Variants in WDR26 observed in about 807,000 individuals in gnomAD.
WDR26 encodes WD repeat domain 26.
WDR26 carries 5 observed loss-of-function variants against 84.1 expected under a neutral mutation model. The observed-to-expected ratio is 0.06, with a 90% confidence interval of 0.03 to 0.13. WDR26 has a LOEUF of 0.13. Among genes scored for constraint, WDR26 ranks in the 10% least tolerant of loss-of-function variants. WDR26 has a pLI of 1.00. For missense variants in WDR26, 642 were observed against 974.9 expected (o/e 0.66, Z 4.55); for synonymous variants, 415 against 389.6 (o/e 1.07, Z -0.77).
Position 224,431,541 on chromosome 1 carries a change from G to A in WDR26, c.863C>T (p.Ser288Phe), listed in dbSNP as rs1374476195. Reference sequence around the variant, plus strand: ...GCCTCTTACCACAATAGCATGAGGAGAATGCACTAAAGGCTTTAGTTCATT... The same window carrying A: ...GCCTCTTACCACAATAGCATGAGGAAAATGCACTAAAGGCTTTAGTTCATT... The change falls in exon 3 of 14, where the codon TCT (serine) becomes TTT (phenylalanine). Residue 288 changes from serine to phenylalanine, a missense_variant. Transcript: ENST00000414423. 3 of 1,613,962 alleles carry A rather than the reference G, an allele frequency of 1.9e-6. No homozygotes were observed.
chr1:224,421,927 T>A (rs1272557358), intron 4 of WDR26, among the ~76,000 whole-genome samples: 1 of 152,218 alleles, frequency 6.6e-6, no homozygotes, highest in East Asian at 1.9e-4. Context: ...AGTTTCCTTA[T>A]CTGCAAGGAA....
chr1:224,426,932 T>C (rs958906633), intron 3 of WDR26, among the ~76,000 whole-genome samples: 1 of 143,446 alleles, frequency 7.0e-6, no homozygotes, highest in African/African-American at 2.6e-5. Flanking sequence ...CCGTCTCTAC[T>C]AAAAAAAAAA....
Position 224,388,570 on chromosome 1 carries a change from T to C in WDR26, c.*1265A>G, listed in dbSNP as rs1673038632. On this transcript the variant is annotated 3_prime_UTR_variant, in exon 14 of 14. Transcript: ENST00000414423. ...GGAAAGACTATCCACAGCACCAGTT[T>C]AGAATGAGGTTCAGTATGGCAATAT... 1 of 152,586 alleles carries C rather than the reference T, an allele frequency of 6.6e-6. No homozygotes were observed. The highest frequency in any genetic ancestry group is 2.4e-5 in the African/African-American group (1 of 41,456). 9.5% of individuals were successfully genotyped at this position (152,586 alleles called of 1,614,324 possible). A position where few individuals can be genotyped will look rare whatever the true frequency, so the allele number is the denominator to read the frequency against.
chr1:224,392,398 A>T (rs1157951344), intron 13 of WDR26, among the ~76,000 whole-genome samples: 2 of 152,120 alleles, frequency 1.3e-5, no homozygotes, highest in African/African-American at 4.8e-5. Flanking sequence ...TCTGGAGTAA[A>T]TCTGTTACTA....
intron 10 of WDR26, 132 bp downstream of exon 10, chr1:224,398,757 C>G: frequency 7.9e-7 from 1 of 1,269,712 alleles, no homozygotes; most frequent in Non-Finnish European, 1.1e-6. Context: ...TTACTAAGTA[C>G]CATGTGACCT....
At chr1:224,401,177 T>C in intron 8 of WDR26, 108 bp from the exon 9 acceptor site, 1 of 1,067,646 alleles carries the variant, frequency 9.4e-7, no homozygotes, top group Non-Finnish European at 1.3e-6. Flanking sequence ...CAGTTCATTC[T>C]AAGTAGAGTA....
chr1:224,405,876 A>C (rs537112215), intron 7 of WDR26, among the ~76,000 whole-genome samples: 6 of 152,328 alleles, frequency 3.9e-5, no homozygotes, highest in Non-Finnish European at 5.9e-5. Context: ...AAGCTAGGGA[A>C]TATACAGTGT....
At chr1:224,408,319 T>C (rs1340977503) in intron 7 of WDR26, among the ~76,000 whole-genome samples, 1 of 152,156 alleles carries the variant, frequency 6.6e-6, no homozygotes, top group Admixed American at 6.6e-5. Flanking sequence ...TCCAGTAGGC[T>C]CTCTTTGATG....
intron 6 of WDR26, among the ~76,000 whole-genome samples, chr1:224,415,642 T>C (rs1224679700): frequency 1.3e-5 from 2 of 152,054 alleles, no homozygotes; most frequent in East Asian, 3.9e-4. Context: ...TTTGTATTTT[T>C]AGTAGAGACA....
intron 13 of WDR26, among the ~76,000 whole-genome samples, chr1:224,391,056 A>G (rs1039426475): frequency 6.6e-6 from 1 of 151,866 alleles, no homozygotes; most frequent in African/African-American, 2.4e-5. Context: ...ATGCATCGGT[A>G]CTTCCTTCTA....
At chr1:224,433,622 A>AAC in intron 1 of WDR26, 62 bp downstream of exon 1, 31 of 852,162 alleles carry the variant, frequency 3.6e-5, no homozygotes, top group Admixed American at 6.7e-5. Flanking sequence ...CCCTTCCCCT[A>AAC]CCCCCCTGGA....
In WDR26 at chr1:224,389,855, A is replaced by C. The variant is rs757051301; in HGVS notation, c.2266T>G (p.Cys756Gly). ...CACCATCAACTATCCATGCTACTGC[A>C]TTCCTCTGAATGAAGACAAGATGAA... Residue 756 changes from cysteine to glycine, a missense_variant, in exon 14 of 14, where the codon TGC (cysteine) becomes GGC (glycine). By Grantham distance (159) the Cys-to-Gly change is radical. Coordinates refer to ENST00000414423, the MANE Select transcript of WDR26 (RefSeq NM_001379403.1). 8.8e-7 allele frequency: 1 copy of C among 1,140,786 alleles called. No homozygotes were observed. 70.7% of individuals were successfully genotyped at this position (1,140,786 alleles called of 1,614,324 possible).
chr1:224,424,733 T>C, intron 3 of WDR26, 79 bp from the exon 4 acceptor site: 1 of 1,577,252 alleles, frequency 6.3e-7, no homozygotes, highest in African/African-American at 1.3e-5. Context: ...AACAGAACAG[T>C]AGAAACCATT....
intron 6 of WDR26, among the ~76,000 whole-genome samples, chr1:224,416,225 T>A (rs1673898695): frequency 6.6e-6 from 1 of 151,976 alleles, no homozygotes; most frequent in Non-Finnish European, 1.5e-5. Flanking sequence ...AACTGCTTTT[T>A]TCTTTCTTTT....
chr1:224,389,496 A>G lies in WDR26; in HGVS notation c.*339T>C. On this transcript the variant is annotated 3_prime_UTR_variant, in exon 14 of 14. Transcript: ENST00000414423. ...GCATTTAAACTTCATTACACAGAAG[A>G]GCAACAAGAATGGTATCCTGCCAGA... is the stretch of plus-strand genomic sequence containing the variant. The G allele has an allele frequency of 2.0e-6, 1 of 503,290 alleles. No individual in the cohort carries two copies. Among genetic ancestry groups the G allele is most frequent in the Non-Finnish European group, 3.4e-6 (1 of 290,804 alleles). 31.2% of individuals were successfully genotyped at this position (503,290 alleles called of 1,614,324 possible).
In WDR26 at chr1:224,386,493, A is replaced by C. The variant is rs1672994334; in HGVS notation, c.*3342T>G. 6.6e-6 allele frequency: 1 copy of C among 152,564 alleles called. No individual in the cohort carries two copies. Among genetic ancestry groups the C allele is most frequent in the Non-Finnish European group, 1.5e-5 (1 of 68,016 alleles). The allele number at this position is 152,564 out of a possible 1,614,324, so 9.5% of individuals were successfully genotyped here. A position where few individuals can be genotyped will look rare whatever the true frequency, so the allele number is the denominator to read the frequency against. ...GATAGGGTCAGTTCTTGTTTGCAGG[A>C]ACCAACATCCTAAAAAAGAAAATGT... On this transcript the variant is annotated 3_prime_UTR_variant, in exon 14 of 14. Transcript: ENST00000414423.
intron 6 of WDR26, among the ~76,000 whole-genome samples, chr1:224,416,662 T>G (rs1673912818): frequency 6.6e-6 from 1 of 152,214 alleles, no homozygotes; most frequent in African/African-American, 2.4e-5. Context: ...CATGTTCCCA[T>G]AGATTCCAGT....
chr1:224,418,119 T>A, intron 6 of WDR26, 141 bp downstream of exon 6: 2 of 632,002 alleles, frequency 3.2e-6, no homozygotes, highest in Non-Finnish European at 4.7e-6. Flanking sequence ...TTTTCAATTT[T>A]CATAGTTCCA....
chr1:224,393,876 C>T lies in WDR26; in HGVS notation c.2212G>A (p.Val738Ile), dbSNP rs760879560. The change falls in exon 13 of 14, where the codon GTT becomes ATT. Residue 738 changes from valine to isoleucine, a missense_variant. Around this residue, in one of 2 missense-constraint regions of WDR26, gnomAD observed 351 missense variants for 672.8 expected, o/e 0.52. Transcript: ENST00000414423. ...AAAGGTGCTGGTCCCCATATTCTAA[C>T]AGTGCCATCATCTGAGGCGCTGGCC... 3 of 1,585,186 alleles carry T rather than the reference C, an allele frequency of 1.9e-6. No homozygotes were observed. Among genetic ancestry groups the T allele is most frequent in the Non-Finnish European group, 2.6e-6 (3 of 1,157,360 alleles).
Sources: gnomAD v4.1 joint callset for allele counts (sites outside exome capture counted in the v4.1 genomes callset) on GRCh38, gnomAD v4.1.1 for gene constraint, gnomAD v4.1.1 regional missense constraint, MANE v1.5 for transcripts, NCBI Gene and HGNC (gene_info 2026-07-23, HGNC 2026-07-21) for gene names.